Variants in CAMTA1 observed in about 807,000 individuals in gnomAD.
CAMTA1 encodes calmodulin binding transcription activator 1.
A neutral mutation model predicts 170.9 loss-of-function variants in CAMTA1; 27 were observed. That is an observed-to-expected ratio of 0.16 (90% CI 0.12 to 0.22). The LOEUF is 0.22. Among genes scored for constraint, CAMTA1 ranks in the 10% least tolerant of loss-of-function variants. The pLI is 1.00. For synonymous variants in CAMTA1, 833 were observed against 891.5 expected (o/e 0.93, Z 1.17); for missense variants, 1,619 against 2,217.2 (o/e 0.73, Z 5.42).
At chr1:7,492,370 C>G (rs2093716987) in intron 6 of CAMTA1, among the ~76,000 whole-genome samples, 2 of 152,170 alleles carry the variant, frequency 1.3e-5, no homozygotes. Context: ...GAAGAGCTGG[C>G]TCCGGCCTTT....
chr1:6,876,291 G>T (rs1385190389), intron 3 of CAMTA1, among the ~76,000 whole-genome samples: 1 of 151,764 alleles, frequency 6.6e-6, no homozygotes, highest in Non-Finnish European at 1.5e-5. Flanking sequence ...AGACTGTGAG[G>T]TCCCTGAAAT....
intron 5 of CAMTA1, among the ~76,000 whole-genome samples, chr1:7,315,944 C>T (rs1677426119): frequency 6.6e-6 from 1 of 152,200 alleles, no homozygotes; most frequent in South Asian, 2.1e-4. Flanking sequence ...TTAATTGACT[C>T]ACGGTTCCAT....
At chr1:7,429,508 A>G (rs1378279945) in intron 5 of CAMTA1, among the ~76,000 whole-genome samples, 1 of 151,828 alleles carries the variant, frequency 6.6e-6, no homozygotes, top group Non-Finnish European at 1.5e-5. Context: ...GATGGTGGTA[A>G]TGGTGGTACT....
At chr1:7,571,984 A>C (rs112155435) in intron 6 of CAMTA1, among the ~76,000 whole-genome samples, 3,200 of 152,256 alleles carry the variant, frequency 0.021, 114 homozygotes, top group African/African-American at 0.072. Flanking sequence ...TTTTCTCTGC[A>C]ACCTCACCAG....
intron 3 of CAMTA1, among the ~76,000 whole-genome samples, chr1:7,051,599 G>A (rs1445451415): frequency 6.6e-6 from 1 of 152,026 alleles, no homozygotes; most frequent in Non-Finnish European, 1.5e-5. Context: ...CGAGGTTGCT[G>A]ATGCACTTGG....
At chr1:7,458,654 T>C (rs2093016220) in intron 5 of CAMTA1, among the ~76,000 whole-genome samples, 1 of 152,224 alleles carries the variant, frequency 6.6e-6, no homozygotes, top group African/African-American at 2.4e-5. Flanking sequence ...AGCCTGGGCC[T>C]GAGCTGTGGC....
chr1:7,225,683 G>A (rs910508134), intron 4 of CAMTA1, among the ~76,000 whole-genome samples: 3 of 152,192 alleles, frequency 2.0e-5, no homozygotes, highest in Admixed American at 2.0e-4. Flanking sequence ...GGATTTCGGG[G>A]GTTCACTTCT....
rs149836508 is a variant in CAMTA1 at position 7,020,726 on chromosome 1, G to A, written c.235-70578G>A. On this transcript the variant is annotated intron_variant, in intron 3 of 22. Transcript: ENST00000303635. ...GGCTTAGCCTTGAGCTGCGATATGG[G>A]GCAAGATGATGACATGGGGAAGGAC... Among the ~76,000 whole-genome samples, 15 of 152,316 alleles carry A rather than the reference G, an allele frequency of 9.8e-5. 1 individual carries two copies. The South Asian group carries it at 2.1e-3, about 21-fold the overall frequency.
At chr1:7,267,507 C>T (rs1246309080) in intron 5 of CAMTA1, among the ~76,000 whole-genome samples, 4 of 152,152 alleles carry the variant, frequency 2.6e-5, no homozygotes, top group Non-Finnish European at 5.9e-5. Flanking sequence ...AAGAGGGCCC[C>T]TGTAGCCAGA....
Position 7,663,940 on chromosome 1 carries a change from G to T in CAMTA1, c.1393G>T (p.Val465Phe). Reference protein sequence around the residue: ...MLPTNVSEELVLSTTLDGGRK... With the variant: ...MLPTNVSEELFLSTTLDGGRK... ...GCCCACCAACGTGTCCGAAGAGCTG[G>T]TCCTCTCCACCACCCTCGACGGTGG... is the stretch of plus-strand genomic sequence containing the variant. Residue 465 changes from valine (V) to phenylalanine (F), a missense_variant, in exon 9 of 23, where the codon GTC becomes TTC. By Grantham distance (50) the Val-to-Phe change is conservative. Around this residue, in one of 8 missense-constraint regions of CAMTA1, gnomAD observed 731 missense variants for 907.6 expected, o/e 0.81. Coordinates refer to ENST00000303635, the MANE Select transcript of CAMTA1 (RefSeq NM_015215.4). 1 of 1,613,914 alleles carries T rather than the reference G, an allele frequency of 6.2e-7. No individual in the cohort carries two copies. The highest frequency in any genetic ancestry group is 8.5e-7 in the Non-Finnish European group (1 of 1,180,040).
intron 4 of CAMTA1, among the ~76,000 whole-genome samples, chr1:7,114,180 T>C (rs571364055): frequency 1.3e-4 from 20 of 152,284 alleles, no homozygotes; most frequent in South Asian, 1.2e-3. Context: ...CTCAGAGTTA[T>C]GTCTAGTGGG....
intron 10 of CAMTA1, among the ~76,000 whole-genome samples, chr1:7,675,060 A>T (rs1384118146): frequency 6.6e-6 from 1 of 152,212 alleles, no homozygotes. Context: ...GGGAAGAAGG[A>T]GGTTCCTTCT....
chr1:7,211,049 C>G (rs1349396271), intron 4 of CAMTA1, among the ~76,000 whole-genome samples: 1 of 152,170 alleles, frequency 6.6e-6, no homozygotes, highest in Non-Finnish European at 1.5e-5. Flanking sequence ...ACTCATGTAC[C>G]TATCACCTAG....
intron 4 of CAMTA1, among the ~76,000 whole-genome samples, chr1:7,188,091 A>C (rs1017572530): frequency 3.9e-5 from 6 of 152,198 alleles, no homozygotes; most frequent in African/African-American, 1.2e-4. Context: ...GAGGGGAACT[A>C]CCAAACACAT....
chr1:7,386,987 A>C (rs1034316329), intron 5 of CAMTA1, among the ~76,000 whole-genome samples: 3 of 151,724 alleles, frequency 2.0e-5, no homozygotes, highest in African/African-American at 7.3e-5. Context: ...TATGTTCCTA[A>C]CTGTTTGGTT....
At chr1:6,872,233 TCACCACCACCAC>T (rs35457975) in intron 3 of CAMTA1, among the ~76,000 whole-genome samples, 7 of 150,056 alleles carry the variant, frequency 4.7e-5, no homozygotes, top group African/African-American at 7.4e-5. Context: ...ACCCTCACCA[TCACCACCACCAC>T]CACCACCACC....
intron 22 of CAMTA1, among the ~76,000 whole-genome samples, chr1:7,760,982 T>C (rs2096970685): frequency 6.6e-6 from 1 of 152,214 alleles, no homozygotes. Flanking sequence ...GCCTACTTCA[T>C]TGATTCATAA....
intron 6 of CAMTA1, among the ~76,000 whole-genome samples, chr1:7,548,687 GC>G (rs1483320829): frequency 0.056 from 4,637 of 82,934 alleles, 87 homozygotes; most frequent in East Asian, 0.093. Context: ...CATGGAAGGT[GC>G]CCCCTTAGGG....
At chr1:7,393,572 T>C (rs1243983674) in intron 5 of CAMTA1, among the ~76,000 whole-genome samples, 3 of 152,172 alleles carry the variant, frequency 2.0e-5, no homozygotes, top group Non-Finnish European at 4.4e-5. Context: ...CTTTCACATT[T>C]AATTGACACA....
Sources: allele counts gnomAD v4.1 joint callset (sites outside exome capture counted in the v4.1 genomes callset), GRCh38; gene constraint gnomAD v4.1.1; regional missense constraint gnomAD v4.1.1; transcripts MANE v1.5; gene names NCBI Gene and HGNC (gene_info 2026-07-23, HGNC 2026-07-21).